Variants in IL23R observed in about 807,000 individuals in gnomAD.
IL23R encodes the protein interleukin-23 receptor.
IL23R carries 34 observed loss-of-function variants against 56.9 expected under a neutral mutation model. That is an observed-to-expected ratio of 0.60 (90% CI 0.45 to 0.80). The LOEUF (loss-of-function observed/expected upper bound fraction) is 0.80. Among genes scored for constraint, IL23R ranks in the 30% least tolerant of loss-of-function variants. The pLI, the probability that IL23R is intolerant of heterozygous loss-of-function variation, is 0.00. For missense variants in IL23R, 635 were observed against 730.0 expected (o/e 0.87, Z 1.50); for synonymous variants, 230 against 249.2 (o/e 0.92, Z 0.73).
intron 7 of IL23R, among the ~76,000 whole-genome samples, chr1:67,219,931 G>T (rs1400320432): frequency 6.6e-6 from 1 of 152,040 alleles, no homozygotes; most frequent in South Asian, 2.1e-4. Flanking sequence ...TATTAGCCTG[G>T]GTGGTAGAAT....
At chr1:67,240,500 T>G (rs1002187317) in intron 9 of IL23R, among the ~76,000 whole-genome samples, 1 of 152,242 alleles carries the variant, frequency 6.6e-6, no homozygotes, top group Non-Finnish European at 1.5e-5. Context: ...AAAAGCTTCC[T>G]GGCCTATTTT....
chr1:67,176,196 T>A (rs1271589384), intron 3 of IL23R, among the ~76,000 whole-genome samples: 2 of 152,090 alleles, frequency 1.3e-5, no homozygotes, highest in South Asian at 2.1e-4. Context: ...AAATGAAGAA[T>A]AATAGGCTCT....
At chr1:67,235,637 C>T (rs1360220230) in intron 7 of IL23R, among the ~76,000 whole-genome samples, 1 of 152,178 alleles carries the variant, frequency 6.6e-6, no homozygotes, top group Non-Finnish European at 1.5e-5. Flanking sequence ...AAGTGATCCA[C>T]CTGCCTTGGC....
Position 67,259,344 on chromosome 1 carries a change from T to C in IL23R, c.*216T>C. ...TATGTTTCAGTTCTACCAATCTTGT[T>C]TCCAGAGTAGTGACATTTCTGTGCT... On this transcript the variant is annotated 3_prime_UTR_variant, in exon 11 of 11. Coordinates refer to ENST00000347310, the MANE Select transcript of IL23R (RefSeq NM_144701.3). 5.4e-6 allele frequency: 3 copies of C among 551,626 alleles called. No individual in the cohort carries two copies. The South Asian group carries it at 6.1e-5, about 11-fold the overall frequency. 34.2% of individuals were successfully genotyped at this position (551,626 alleles called of 1,614,324 possible).
At chr1:67,212,407 G>A (rs1208113398) in intron 6 of IL23R, among the ~76,000 whole-genome samples, 1 of 152,336 alleles carries the variant, frequency 6.6e-6, no homozygotes. Flanking sequence ...TACCACTTTA[G>A]CTCCGTGGTG....
rs1451388400 is a variant in IL23R, at chr1:67,259,438, A to T, written c.*310A>T. ...TTAATTTTAGCCATTCTTCTGCCTC[A>T]TTTCTTAAAATTAGAGAATTAAGGT... is the stretch of plus-strand genomic sequence containing the variant. On this transcript the variant is annotated 3_prime_UTR_variant, in exon 11 of 11. Transcript: ENST00000347310. The T allele has an allele frequency of 2.8e-6, 1 of 355,210 alleles. No individual in the cohort carries two copies. The highest frequency in any genetic ancestry group is 6.7e-5 in the East Asian group (1 of 14,880). 22.0% of individuals were successfully genotyped at this position (355,210 alleles called of 1,614,324 possible).
At chr1:67,161,221 A>G (rs1646815661) in intron 1 of IL23R, among the ~76,000 whole-genome samples, 1 of 152,202 alleles carries the variant, frequency 6.6e-6, no homozygotes, top group African/African-American at 2.4e-5. Context: ...GTGAAATCGT[A>G]CATCAGTAGG....
intron 1 of IL23R, among the ~76,000 whole-genome samples, chr1:67,158,465 T>C (rs1646789200): frequency 6.6e-6 from 1 of 152,188 alleles, no homozygotes; most frequent in Non-Finnish European, 1.5e-5. Flanking sequence ...TTTGAACTTA[T>C]ATTTATACCA....
chr1:67,236,874 A>T, intron 8 of IL23R, 72 bp downstream of exon 8: 2 of 961,410 alleles, frequency 2.1e-6, no homozygotes, highest in Non-Finnish European at 3.4e-6. Flanking sequence ...CATACTGAAA[A>T]AATCACATCA....
intron 5 of IL23R, among the ~76,000 whole-genome samples, chr1:67,206,545 A>T (rs1649076107): frequency 6.6e-6 from 1 of 152,136 alleles, no homozygotes; most frequent in Admixed American, 6.6e-5. Flanking sequence ...CCTCGAACAG[A>T]TGGAGGGAAG....
At chr1:67,186,410 T>C (rs1421871949) in intron 4 of IL23R, among the ~76,000 whole-genome samples, 4 of 152,120 alleles carry the variant, frequency 2.6e-5, no homozygotes, top group African/African-American at 9.7e-5. Flanking sequence ...CCTTGAGTTT[T>C]AGCACCCATC....
chr1:67,162,267 C>T (rs1015888619), upstream of IL23R, among the ~76,000 whole-genome samples: 1 of 151,764 alleles, frequency 6.6e-6, no homozygotes, highest in African/African-American at 2.4e-5. Context: ...AGATTGAGAC[C>T]ATCCTGGCTA....
At chr1:67,199,675 G>C (rs1648456926) in intron 4 of IL23R, among the ~76,000 whole-genome samples, 1 of 151,642 alleles carries the variant, frequency 6.6e-6, no homozygotes, top group Non-Finnish European at 1.5e-5. Context: ...GTATATTTTT[G>C]TGTATTTTAT....
chr1:67,218,470 A>G (rs947684126), intron 6 of IL23R, among the ~76,000 whole-genome samples: 1 of 151,852 alleles, frequency 6.6e-6, no homozygotes. Flanking sequence ...AGTCACCATT[A>G]GCGAGTAAAA....
At chr1:67,176,407 T>G (rs1053001029) in intron 3 of IL23R, among the ~76,000 whole-genome samples, 11 of 152,088 alleles carry the variant, frequency 7.2e-5, no homozygotes, top group Non-Finnish European at 1.5e-4. Flanking sequence ...CAAATAAAAT[T>G]GTCAGTTTCT....
chr1:67,263,509 A>G (rs1653270549), downstream of IL23R, among the ~76,000 whole-genome samples: 1 of 152,142 alleles, frequency 6.6e-6, no homozygotes, highest in African/African-American at 2.4e-5. Flanking sequence ...TTGAGTGGCT[A>G]ATTCTTATAT....
intron 4 of IL23R, among the ~76,000 whole-genome samples, chr1:67,200,185 A>G (rs1570833352): frequency 6.6e-6 from 1 of 151,948 alleles, no homozygotes; most frequent in Non-Finnish European, 1.5e-5. Flanking sequence ...GACTACAGGC[A>G]CCTGCCACCA....
intron 9 of IL23R, among the ~76,000 whole-genome samples, chr1:67,245,234 A>C (rs1056862667): frequency 6.6e-6 from 1 of 152,122 alleles, no homozygotes; most frequent in Non-Finnish European, 1.5e-5. Context: ...GGGTTTTCTA[A>C]ATATACAGTC....
chr1:67,162,140 GT>G (rs1023660504), upstream of IL23R, among the ~76,000 whole-genome samples: 3 of 150,246 alleles, frequency 2.0e-5, no homozygotes, highest in African/African-American at 7.3e-5. Flanking sequence ...TTTATCCAAT[GT>G]TTAAAAAAAA....
Sources: allele counts gnomAD v4.1 joint callset (sites outside exome capture counted in the v4.1 genomes callset), GRCh38; gene constraint gnomAD v4.1.1; transcripts MANE v1.5; gene names NCBI Gene and HGNC (gene_info 2026-07-23, HGNC 2026-07-21).